Variants in ITPR1 observed in about 807,000 individuals in gnomAD.
ITPR1 encodes inositol 1,4,5-trisphosphate-gated calcium channel ITPR1.
ITPR1 carries 96 observed loss-of-function variants against 318.4 expected under a neutral mutation model. The observed-to-expected ratio is 0.30, with a 90% CI of 0.26 to 0.36. The LOEUF (loss-of-function observed/expected upper bound fraction) is 0.36, where lower values mean the gene tolerates loss of function less well. Ranked by LOEUF, ITPR1 falls within the 10% of genes least tolerant of loss-of-function variation. The pLI, the probability that ITPR1 is intolerant of heterozygous loss-of-function variation, is 1.00. For missense variants in ITPR1, 2,440 were observed against 3,460.2 expected (o/e 0.71, Z 7.40); for synonymous variants, 1,312 against 1,289.9 (o/e 1.02, Z -0.37).
chr3:4,774,253 T>C (rs2046353077), intron 46 of ITPR1, among the ~76,000 whole-genome samples: 2 of 152,266 alleles, frequency 1.3e-5, no homozygotes, highest in Non-Finnish European at 2.9e-5. Context: ...GATGTAGATA[T>C]ACTGTAATTT....
chr3:4,685,064 A>T lies in ITPR1; in HGVS notation c.3565-5A>T. 1 of 1,606,996 alleles carries T rather than the reference A, an allele frequency of 6.2e-7. No individual in the cohort carries two copies. The highest frequency in any genetic ancestry group is 1.3e-5 in the African/African-American group (1 of 74,980). On this transcript the variant is annotated splice_region_variant and splice_polypyrimidine_tract_variant and intron_variant, in intron 29 of 61. Transcript: ENST00000649015. Reference sequence around the variant, plus strand: ...TTCTGAGACTGATTTCTTTCATTCTACTAGATTTTGATTCGGCTTAGCAAA... The same window carrying T: ...TTCTGAGACTGATTTCTTTCATTCTTCTAGATTTTGATTCGGCTTAGCAAA...
chr3:4,842,132 G>C (rs1440272906), intron 61 of ITPR1, among the ~76,000 whole-genome samples: 4 of 152,236 alleles, frequency 2.6e-5, no homozygotes, highest in East Asian at 3.8e-4. Flanking sequence ...AATACTGGTA[G>C]ATTAAAATTT....
chr3:4,783,190 C>G (rs1460733556), intron 50 of ITPR1, among the ~76,000 whole-genome samples: 1 of 152,178 alleles, frequency 6.6e-6, no homozygotes, highest in Non-Finnish European at 1.5e-5. Context: ...TACGGCAATA[C>G]TTTATGCCCT....
chr3:4,628,895 C>A (rs2092926304), intron 5 of ITPR1, among the ~76,000 whole-genome samples: 1 of 152,274 alleles, frequency 6.6e-6, no homozygotes, highest in Non-Finnish European at 1.5e-5. Context: ...CTGCCTCTCA[C>A]CTTGCTCCAT....
intron 4 of ITPR1, among the ~76,000 whole-genome samples, chr3:4,527,657 C>T (rs923376880): frequency 6.6e-6 from 1 of 152,072 alleles, no homozygotes; most frequent in African/African-American, 2.4e-5. Context: ...AACATATGCC[C>T]GGCTAGAAAT....
At chr3:4,715,085 G>A (rs762673972) in intron 39 of ITPR1, among the ~76,000 whole-genome samples, 28 of 152,288 alleles carry the variant, frequency 1.8e-4, no homozygotes, top group Non-Finnish European at 3.1e-4. Flanking sequence ...TATTTTATAC[G>A]CAAGGAAGAG....
At chr3:4,794,125 C>T (rs770026001) in intron 52 of ITPR1, among the ~76,000 whole-genome samples, 4 of 152,126 alleles carry the variant, frequency 2.6e-5, no homozygotes, top group Non-Finnish European at 5.9e-5. Flanking sequence ...GGAAACTTTG[C>T]CTGTGACATG....
At chr3:4,827,538 G>T (rs1178162262) in intron 60 of ITPR1, among the ~76,000 whole-genome samples, 1 of 152,208 alleles carries the variant, frequency 6.6e-6, no homozygotes, top group East Asian at 1.9e-4. Context: ...ATAGTCATTT[G>T]TATGAGAAAG....
chr3:4,609,072 A>G (rs2091914332), intron 4 of ITPR1, among the ~76,000 whole-genome samples: 1 of 99,294 alleles, frequency 1.0e-5, no homozygotes, highest in Non-Finnish European at 2.1e-5. Flanking sequence ...ATATATATAT[A>G]TATATATATA....
intron 2 of ITPR1, among the ~76,000 whole-genome samples, chr3:4,495,047 C>G (rs1170859676): frequency 6.6e-6 from 1 of 152,164 alleles, no homozygotes; most frequent in Admixed American, 6.5e-5. Context: ...TGACTCAAGC[C>G]ACCTGAGTGT....
intron 5 of ITPR1, among the ~76,000 whole-genome samples, chr3:4,628,648 C>A (rs1465554064): frequency 6.6e-6 from 1 of 152,178 alleles, no homozygotes; most frequent in Non-Finnish European, 1.5e-5. Context: ...GTAACATCAT[C>A]TTTCTAATGT....
intron 36 of ITPR1, 96 bp downstream of exon 36, chr3:4,703,046 A>G (rs2094688553): frequency 2.2e-6 from 3 of 1,356,262 alleles, no homozygotes; most frequent in Non-Finnish European, 3.0e-6. Flanking sequence ...CAACTCTTCT[A>G]AAGTTACACA....
At chr3:4,756,262 A>G (rs2044977410) in intron 44 of ITPR1, among the ~76,000 whole-genome samples, 1 of 152,176 alleles carries the variant, frequency 6.6e-6, no homozygotes, top group Non-Finnish European at 1.5e-5. Flanking sequence ...GGAAGCAACG[A>G]TGTTTATCTC....
At chr3:4,530,332 G>T (rs573849564) in intron 4 of ITPR1, among the ~76,000 whole-genome samples, 1 of 152,206 alleles carries the variant, frequency 6.6e-6, no homozygotes, top group Non-Finnish European at 1.5e-5. Context: ...GGTTGAAAAG[G>T]AATTGGTGTT....
intron 20 of ITPR1, among the ~76,000 whole-genome samples, chr3:4,671,987 A>G (rs965152121): frequency 6.6e-6 from 1 of 152,242 alleles, no homozygotes; most frequent in African/African-American, 2.4e-5. Context: ...CTGAAGCCAT[A>G]TTGAATATAT....
chr3:4,734,657 C>A (rs888566890), intron 43 of ITPR1, among the ~76,000 whole-genome samples: 1 of 152,202 alleles, frequency 6.6e-6, no homozygotes, highest in Non-Finnish European at 1.5e-5. Context: ...CTTGGCTCCA[C>A]GCCAAGCAGT....
chr3:4,653,203 A>G (rs1037304971), intron 11 of ITPR1, among the ~76,000 whole-genome samples: 2 of 152,188 alleles, frequency 1.3e-5, no homozygotes, highest in African/African-American at 4.8e-5. Flanking sequence ...GGGACCACCC[A>G]TGAGACTACT....
chr3:4,795,278 C>A, intron 53 of ITPR1, 91 bp downstream of exon 53: 2 of 1,286,608 alleles, frequency 1.6e-6, no homozygotes, highest in South Asian at 1.5e-5. Context: ...TGTATTGGTG[C>A]AGTACTGGGG....
chr3:4,518,536 C>A (rs866255743), intron 3 of ITPR1, among the ~76,000 whole-genome samples: 4 of 151,966 alleles, frequency 2.6e-5, no homozygotes, highest in African/African-American at 9.7e-5. Flanking sequence ...GTTTGACAAC[C>A]CTTCCTGTTT....
Sources: gnomAD v4.1 joint callset for allele counts (sites outside exome capture counted in the v4.1 genomes callset) on GRCh38, gnomAD v4.1.1 for gene constraint, MANE v1.5 for transcripts, NCBI Gene and HGNC (gene_info 2026-07-23, HGNC 2026-07-21) for gene names.